NBAS: variants seen among roughly 807,000 people sequenced by gnomAD.
The protein encoded by NBAS is NAG/BC035112 fusion.
Under a neutral mutation model 302.5 loss-of-function variants are expected in NBAS, and 219 were observed. That is an observed-to-expected ratio of 0.72 (90% CI 0.65 to 0.81). NBAS has a LOEUF of 0.81. Among genes scored for constraint, NBAS ranks in the 30% least tolerant of loss-of-function variants. NBAS has a pLI of 0.00. For missense variants in NBAS, 2,932 were observed against 2,841.6 expected (o/e 1.03, Z -0.72); for synonymous variants, 1,118 against 1,021.6 (o/e 1.09, Z -1.80).
the NBAS span, among the ~76,000 whole-genome samples, chr2:14,927,312 T>C: frequency 1.3e-5 from 2 of 152,240 alleles, no homozygotes; most frequent in African/African-American, 4.8e-5. Flanking sequence ...TAATCCAAAG[T>C]ACACTCATAC....
At chr2:15,047,444 C>A in the NBAS span, among the ~76,000 whole-genome samples, 1 of 152,140 alleles carries the variant, frequency 6.6e-6, no homozygotes, top group East Asian at 1.9e-4. Context: ...TGGGCTTATG[C>A]AAGTAAAGGC....
chr2:15,379,226 G>A (rs1200070447), intron 30 of NBAS, among the ~76,000 whole-genome samples: 1 of 150,952 alleles, frequency 6.6e-6, no homozygotes, highest in Non-Finnish European at 1.5e-5. Flanking sequence ...TTATGCCCTG[G>A]CATTTAGGTC....
the NBAS span, among the ~76,000 whole-genome samples, chr2:15,084,079 TCTCA>T: frequency 6.6e-6 from 1 of 151,918 alleles, no homozygotes; most frequent in Non-Finnish European, 1.5e-5. Flanking sequence ...TGAGACAGGG[TCTCA>T]CTCTGTTGCC....
the NBAS span, among the ~76,000 whole-genome samples, chr2:14,971,090 T>C: frequency 1.3e-5 from 2 of 152,238 alleles, no homozygotes; most frequent in Non-Finnish European, 2.9e-5. Context: ...TTCTCATAAC[T>C]ACAAATTTTA....
At chr2:15,419,094 T>G (rs1677083670) in intron 23 of NBAS, among the ~76,000 whole-genome samples, 1 of 152,204 alleles carries the variant, frequency 6.6e-6, no homozygotes, top group South Asian at 2.1e-4. Context: ...GACTGATTAG[T>G]TCACACACTT....
chr2:15,341,929 G>C (rs1672871370), intron 35 of NBAS, among the ~76,000 whole-genome samples: 1 of 152,090 alleles, frequency 6.6e-6, no homozygotes, highest in Non-Finnish European at 1.5e-5. Context: ...CCAGATCACT[G>C]ATGTCATGAT....
At chr2:15,551,923 C>A (rs1039256379) in intron 5 of NBAS, among the ~76,000 whole-genome samples, 12 of 152,160 alleles carry the variant, frequency 7.9e-5, no homozygotes, top group Non-Finnish European at 1.6e-4. Context: ...AACCACTGGT[C>A]TGTATCATAT....
At chr2:15,059,433 C>T in the NBAS span, among the ~76,000 whole-genome samples, 1 of 151,842 alleles carries the variant, frequency 6.6e-6, no homozygotes, top group Admixed American at 6.6e-5. Context: ...TGGACTGGAC[C>T]CTGCCCATTC....
the NBAS span, among the ~76,000 whole-genome samples, chr2:15,127,994 T>C: frequency 6.6e-6 from 1 of 152,194 alleles, no homozygotes; most frequent in East Asian, 1.9e-4. Context: ...TCTCTACTTA[T>C]AGTTAGATCT....
the NBAS span, among the ~76,000 whole-genome samples, chr2:14,779,478 C>T: frequency 1.3e-4 from 20 of 152,168 alleles, no homozygotes; most frequent in African/African-American, 4.8e-4. Context: ...TTCCTTAGCT[C>T]CTCACTATGT....
chr2:15,362,314 CCA>C (rs1673972174), intron 32 of NBAS, among the ~76,000 whole-genome samples: 1 of 141,950 alleles, frequency 7.0e-6, no homozygotes. Context: ...CTCATCTCTA[CCA>C]AAAAAAAAAA....
chr2:15,080,195 A>G, the NBAS span, among the ~76,000 whole-genome samples: 214 of 152,308 alleles, frequency 1.4e-3, no homozygotes, highest in Non-Finnish European at 2.6e-3. Flanking sequence ...TAGAAGACTC[A>G]TGGCTGAAAG....
chr2:15,538,630 G>A (rs542332247), intron 7 of NBAS, among the ~76,000 whole-genome samples: 18 of 152,066 alleles, frequency 1.2e-4, no homozygotes, highest in Non-Finnish European at 2.2e-4. Flanking sequence ...AGTTGATGAA[G>A]GAGGATAGAA....
chr2:15,280,186 C>T (rs2148068523), intron 42 of NBAS, among the ~76,000 whole-genome samples: 1 of 152,268 alleles, frequency 6.6e-6, no homozygotes, highest in South Asian at 2.1e-4. Flanking sequence ...AGATGTCAGT[C>T]ACCCAAAAAT....
intron 48 of NBAS, among the ~76,000 whole-genome samples, chr2:15,201,821 C>T (rs1156716545): frequency 1.3e-5 from 2 of 152,174 alleles, no homozygotes; most frequent in East Asian, 3.8e-4. Flanking sequence ...TGACCTTGCA[C>T]AGCTCATATA....
At chr2:15,405,531 G>C (rs1676367771) in intron 25 of NBAS, among the ~76,000 whole-genome samples, 1 of 151,938 alleles carries the variant, frequency 6.6e-6, no homozygotes, top group Admixed American at 6.6e-5. Context: ...AGCCCATCTG[G>C]GACTTCCTAA....
At chr2:15,255,582 T>C (rs60260836) in intron 44 of NBAS, among the ~76,000 whole-genome samples, 36,266 of 152,118 alleles carry the variant, frequency 0.24, 4,947 homozygotes, top group East Asian at 0.6. Context: ...TCTATTTATC[T>C]TTGGTTTTGT....
At chr2:15,542,988 T>G (rs1270198461) in intron 6 of NBAS, among the ~76,000 whole-genome samples, 1 of 152,256 alleles carries the variant, frequency 6.6e-6, no homozygotes, top group African/African-American at 2.4e-5. Context: ...TATAACAATG[T>G]GAAAATAAAG....
chr2:15,039,940 T>C, the NBAS span, among the ~76,000 whole-genome samples: 4 of 152,162 alleles, frequency 2.6e-5, no homozygotes, highest in Non-Finnish European at 2.9e-5. Context: ...TTAAGTCTTG[T>C]AATAGGTCAG....
Sources: allele counts gnomAD v4.1 joint callset (sites outside exome capture counted in the v4.1 genomes callset), GRCh38; gene constraint gnomAD v4.1.1; transcripts MANE v1.5; gene names NCBI Gene and HGNC (gene_info 2026-07-23, HGNC 2026-07-21).